The following LIMK1 variants were observed in gnomAD, a reference collection of about 807,000 sequenced individuals.
LIMK1 encodes LIM domain kinase 1.
LIMK1 carries 21 observed loss-of-function variants against 77.6 expected under a neutral mutation model. The ratio of observed to expected loss-of-function variants is 0.27; its 90% CI spans 0.19 to 0.39. The LOEUF is 0.39. Among genes scored for constraint, LIMK1 ranks in the 10% least tolerant of loss-of-function variants. The pLI, the probability that LIMK1 is intolerant of heterozygous loss-of-function variation, is 1.00. For missense variants in LIMK1, 696 were observed against 901.6 expected, an observed-to-expected ratio of 0.77 and a Z score of 2.92; for synonymous variants, 358 against 370.0, an observed-to-expected ratio of 0.97 and a Z score of 0.37.
intron 13 of LIMK1, 112 bp from the exon 14 acceptor site, chr7:74,120,471 T>C: frequency 1.8e-6 from 2 of 1,138,980 alleles, no homozygotes; most frequent in Non-Finnish European, 2.6e-6. Flanking sequence ...ATCTGCCTCC[T>C]GGGCCTGGAC....
chr7:74,091,573 G>A (rs1197443843), intron 2 of LIMK1, among the ~76,000 whole-genome samples: 1 of 152,186 alleles, frequency 6.6e-6, no homozygotes, highest in Non-Finnish European at 1.5e-5. Context: ...CTTGCCAAAA[G>A]TCTCACAGCG....
intron 4 of LIMK1, 114 bp from the exon 5 acceptor site, chr7:74,098,912 CAAAAAA>C (rs34911416): frequency 1.3e-4 from 74 of 585,916 alleles, no homozygotes; most frequent in South Asian, 2.1e-4. Context: ...GACTCCATCT[CAAAAAA>C]AAAAAAAAAA....
rs782572272 is a variant in LIMK1, at chr7:74,097,127, G to A, written c.339G>A (p.Thr113=). 3.5e-5 allele frequency: 57 copies of A among 1,613,654 alleles called. No homozygotes were observed. In the Admixed American group the frequency reaches 8.0e-4, roughly 23 times the overall value. The part of the protein sequence containing the change: ...KYHPECFICL[T]CGTFIGDGDT... ...ACCCCGAGTGTTTCATCTGCCTCACGTGTGGGACCTTTATCGGTGACGGGG... is the reference window on the plus strand; with the variant it reads ...ACCCCGAGTGTTTCATCTGCCTCACATGTGGGACCTTTATCGGTGACGGGG... The change falls in exon 4 of 16, where the codon ACG becomes ACA. Residue 113 remains threonine, a synonymous_variant. Coordinates refer to ENST00000336180, the MANE Select transcript of LIMK1 (RefSeq NM_002314.4).
At chr7:74,096,182 C>T (rs2115657399) in intron 2 of LIMK1, among the ~76,000 whole-genome samples, 1 of 151,640 alleles carries the variant, frequency 6.6e-6, no homozygotes, top group Non-Finnish European at 1.5e-5. Flanking sequence ...CCAGGCTGGT[C>T]TCAGACTCCT....
chr7:74,090,330 G>A (rs528138725), intron 2 of LIMK1, among the ~76,000 whole-genome samples: 89 of 151,784 alleles, frequency 5.9e-4, no homozygotes, highest in Middle Eastern at 3.4e-3. Context: ...AGTCAAGATC[G>A]CGCCACTGCA....
intron 2 of LIMK1, among the ~76,000 whole-genome samples, chr7:74,089,714 G>A (rs1435844239): frequency 1.3e-5 from 2 of 152,108 alleles, no homozygotes; most frequent in African/African-American, 4.8e-5. Flanking sequence ...GCTATCCATG[G>A]TGGCTGTGTC....
At chr7:74,099,326 TGAATG>T in intron 5 of LIMK1, 88 bp downstream of exon 5, 2 of 1,316,466 alleles carry the variant, frequency 1.5e-6, no homozygotes, top group South Asian at 2.4e-5. Context: ...GCCCTGAAAA[TGAATG>T]GGCGAGTGTT....
At chr7:74,104,428 C>T (rs2115695938) in intron 5 of LIMK1, among the ~76,000 whole-genome samples, 1 of 152,036 alleles carries the variant, frequency 6.6e-6, no homozygotes, top group Non-Finnish European at 1.5e-5. Context: ...GAGTTCAAGA[C>T]CAGCCTGACC....
At chr7:74,118,377 AACACACACAC>A (rs57707215) in intron 13 of LIMK1, among the ~76,000 whole-genome samples, 9,437 of 130,100 alleles carry the variant, frequency 0.073, 393 homozygotes, top group Middle Eastern at 0.11. Context: ...CTCTGTGTCA[AACACACACAC>A]ACACACACAC....
intron 1 of LIMK1, 61 bp downstream of exon 1, chr7:74,084,106 C>A: frequency 1.0e-6 from 1 of 978,292 alleles, no homozygotes; most frequent in Non-Finnish European, 1.5e-6. Flanking sequence ...CAGCGTGGGG[C>A]ACGGGAGGGG....
At position 74,096,896 on chromosome 7, in the gene LIMK1, T is replaced by C; in HGVS notation, c.291+136T>C. 3 of 1,225,916 alleles carry C rather than the reference T, an allele frequency of 2.4e-6. No homozygotes were observed. In the South Asian group the frequency reaches 4.6e-5, roughly 19 times the overall value. 75.9% of individuals were successfully genotyped at this position (1,225,916 alleles called of 1,614,324 possible). A position where few individuals can be genotyped will look rare whatever the true frequency, so the allele number is the denominator to read the frequency against. ...TTTGGAGCTGCTTTCTGAGCCTGAC[T>C]GTCTGTCTGTATCCCTCAGCGCCCC... On this transcript the variant is annotated intron_variant, in intron 3 of 15. Coordinates refer to ENST00000336180, the MANE Select transcript of LIMK1 (RefSeq NM_002314.4).
In LIMK1 at chr7:74,097,663, A is replaced by C. The variant is rs1173221722; in HGVS notation, c.401+474A>C. Among the ~76,000 whole-genome samples, 7 of 152,228 alleles carry C rather than the reference A, an allele frequency of 4.6e-5. No individual in the cohort carries two copies. In the East Asian group the frequency reaches 1.3e-3, roughly 29 times the overall value. On this transcript the variant is annotated intron_variant, in intron 4 of 15. Coordinates refer to ENST00000336180, the MANE Select transcript of LIMK1 (RefSeq NM_002314.4). ...TGCCCTCCAGCCTAGGCAACAGAGC[A>C]AGACTCTGTCTCAAAACAGAAAACC...
chr7:74,107,210 G>C lies in LIMK1; in HGVS notation c.1065+17G>C, dbSNP rs782623330. The C allele has an allele frequency of 6.3e-6, 10 of 1,592,694 alleles. No homozygotes were observed. Among genetic ancestry groups the C allele is most frequent in the Non-Finnish European group, 8.5e-6 (10 of 1,169,716 alleles). On this transcript the variant is annotated intron_variant, in intron 8 of 15. Coordinates refer to ENST00000336180, the MANE Select transcript of LIMK1 (RefSeq NM_002314.4). ...GCTATCAAGGTACAGAGCATGCCAG[G>C]GTCTCAGGGGACAGTCTGGGTGGGA...
rs1163744254 is a variant in LIMK1, at chr7:74,089,526, G to GA, written c.152+3687dup. ...CAAAAAAAAGAAAGAAAGGAAGAAA[G>GA]AAAAAGACAGGGGCTTCGGGGAGGG... On this transcript the variant is annotated intron_variant, in intron 2 of 15. Transcript: ENST00000336180. Among the ~76,000 whole-genome samples the GA allele has an allele frequency of 2.0e-5, 3 of 151,570 alleles. 1 individual carries two copies. The highest frequency in any genetic ancestry group is 7.3e-5 in the African/African-American group (3 of 41,272).
chr7:74,102,984 C>T (rs1799497156), intron 5 of LIMK1, among the ~76,000 whole-genome samples: 1 of 151,844 alleles, frequency 6.6e-6, no homozygotes. Context: ...TCTCCTGCCT[C>T]AGCCTCCTAA....
At chr7:74,090,025 C>A (rs2115626665) in intron 2 of LIMK1, among the ~76,000 whole-genome samples, 1 of 152,138 alleles carries the variant, frequency 6.6e-6, no homozygotes, top group African/African-American at 2.4e-5. Flanking sequence ...AGGGGTGAGT[C>A]CCCAGGTCAG....
At chr7:74,098,880 A>T in intron 4 of LIMK1, 152 bp from the exon 5 acceptor site, 1 of 643,056 alleles carries the variant, frequency 1.6e-6, no homozygotes, top group Non-Finnish European at 2.7e-6. Context: ...GCTGGGGTGC[A>T]GTGTTGTAAT....
intron 8 of LIMK1, 136 bp downstream of exon 8, chr7:74,107,329 G>A (rs1799597742): frequency 1.7e-5 from 15 of 896,644 alleles, no homozygotes; most frequent in Non-Finnish European, 1.9e-5. Context: ...TCCTCCCTTG[G>A]CCTCCTGGAG....
chr7:74,097,067 A>AC lies in LIMK1; in HGVS notation c.292-8dup, dbSNP rs1156341353. On this transcript the variant is annotated splice_polypyrimidine_tract_variant and intron_variant, in intron 3 of 15. Coordinates refer to ENST00000336180, the MANE Select transcript of LIMK1 (RefSeq NM_002314.4). The stretch of plus-strand genomic sequence containing the variant: ...TGCTGAGCTGGGCTGTTCCCTCCTC[A>AC]CCCCCGCACCAGGTGGCTGGGGAGC... 66 of 1,589,474 alleles carry AC rather than the reference A, an allele frequency of 4.2e-5. No individual in the cohort carries two copies. The highest frequency in any genetic ancestry group is 5.3e-5 in the Non-Finnish European group (61 of 1,161,194).
Sources: allele counts gnomAD v4.1 joint callset (sites outside exome capture counted in the v4.1 genomes callset), GRCh38; gene constraint gnomAD v4.1.1; transcripts MANE v1.5; gene names NCBI Gene and HGNC (gene_info 2026-07-23, HGNC 2026-07-21).